MASP1: variants seen among roughly 807,000 people sequenced by gnomAD.
MASP1 encodes the protein MBL associated serine protease 1.
Under a neutral mutation model 77.1 loss-of-function variants are expected in MASP1, and 59 were observed. That is an observed-to-expected ratio of 0.77 (90% CI 0.62 to 0.95). The LOEUF (loss-of-function observed/expected upper bound fraction) is 0.95, where lower values mean the gene tolerates loss of function less well. Among genes scored for constraint, MASP1 ranks in the 40% least tolerant of loss-of-function variants. MASP1 has a pLI of 0.00. For missense variants in MASP1, 885 were observed against 912.9 expected (o/e 0.97, Z 0.39); for synonymous variants, 362 against 354.5 (o/e 1.02, Z -0.24).
At chr3:187,263,982 A>C (rs1026610895) in intron 2 of MASP1, among the ~76,000 whole-genome samples, 1 of 152,206 alleles carries the variant, frequency 6.6e-6, no homozygotes, top group Non-Finnish European at 1.5e-5. Context: ...GCCAAGATGC[A>C]TGAAAAAAAT....
At chr3:187,220,283 A>T (rs377361996) in intron 15 of MASP1, 34 of 1,611,234 alleles carry the variant, frequency 2.1e-5, no homozygotes, top group Non-Finnish European at 2.8e-5. Flanking sequence ...AGAGACATAG[A>T]TGAAGATAAA....
chr3:187,235,734 C>T lies in MASP1; in HGVS notation c.2137G>A (p.Glu713Lys). The change falls in exon 11 of 11, where the codon GAG becomes AAG. Residue 713 changes from glutamate to lysine, a missense_variant. Glu to Lys is a moderately conservative substitution (Grantham distance 56). Coordinates refer to ENST00000296280, the MANE Select transcript of MASP1 (RefSeq NM_139125.4). Reference protein sequence around the residue: ...KVSNYVDWVWEQMGLPQSVVE... With the variant: ...KVSNYVDWVWKQMGLPQSVVE... ...ACACTTTGTGGTAAGCCCATCTGCT[C>T]CCACACCCAGTCCACGTAATTGGAG... is the stretch of plus-strand genomic sequence containing the variant. The T allele has an allele frequency of 1.9e-6, 3 of 1,614,188 alleles. No individual in the cohort carries two copies. The highest frequency in any genetic ancestry group is 2.5e-6 in the Non-Finnish European group (3 of 1,180,034).
intron 2 of MASP1, 91 bp downstream of exon 2, chr3:187,285,734 A>T: frequency 9.8e-7 from 1 of 1,016,888 alleles, no homozygotes; most frequent in Non-Finnish European, 1.6e-6. Context: ...CTCTCTTACT[A>T]TATGCCACCC....
chr3:187,279,096 T>C (rs1397337164), intron 2 of MASP1, among the ~76,000 whole-genome samples: 2 of 152,010 alleles, frequency 1.3e-5, no homozygotes, highest in African/African-American at 4.8e-5. Context: ...TAGACAGAAA[T>C]ATACACTTTG....
At chr3:187,276,110 G>A (rs1005968975) in intron 2 of MASP1, among the ~76,000 whole-genome samples, 4 of 141,064 alleles carry the variant, frequency 2.8e-5, no homozygotes, top group Admixed American at 7.3e-5. Flanking sequence ...TGCCCCCCAG[G>A]GTAGCCCCCC....
At chr3:187,223,020 A>G in intron 14 of MASP1, 1 of 987,904 alleles carries the variant, frequency 1.0e-6, no homozygotes, top group East Asian at 2.4e-5. Context: ...TTTCCCACTC[A>G]CCAACCCCCA....
At chr3:187,260,291 C>T (rs1333867054) in intron 4 of MASP1, among the ~76,000 whole-genome samples, 1 of 152,174 alleles carries the variant, frequency 6.6e-6, no homozygotes, top group African/African-American at 2.4e-5. Flanking sequence ...TTTCTGTTTG[C>T]CTCTTTCCTC....
At chr3:187,261,853 A>T (rs1175169296) in intron 3 of MASP1, among the ~76,000 whole-genome samples, 1 of 152,248 alleles carries the variant, frequency 6.6e-6, no homozygotes, top group Non-Finnish European at 1.5e-5. Flanking sequence ...GAGTAAACAT[A>T]CTTTAGTATA....
chr3:187,260,688 T>C, intron 4 of MASP1, 53 bp downstream of exon 4: 1 of 1,611,216 alleles, frequency 6.2e-7, no homozygotes, highest in South Asian at 1.1e-5. Flanking sequence ...CATCTAATGT[T>C]ATTGAGGATG....
intron 2 of MASP1, chr3:187,276,959 AT>A (rs1213156045): frequency 6.6e-6 from 1 of 152,252 alleles, no homozygotes; most frequent in African/African-American, 2.4e-5. Flanking sequence ...TTGCACAGAA[AT>A]TAGGAGCTTA....
chr3:187,275,110 C>G (rs1046772633), intron 2 of MASP1, among the ~76,000 whole-genome samples: 2 of 152,190 alleles, frequency 1.3e-5, no homozygotes, highest in Non-Finnish European at 2.9e-5. Context: ...ATATGCAAAT[C>G]CCTTCAGCAA....
At chr3:187,261,260 C>G (rs1560020701) in intron 3 of MASP1, among the ~76,000 whole-genome samples, 1 of 152,186 alleles carries the variant, frequency 6.6e-6, no homozygotes, top group Non-Finnish European at 1.5e-5. Context: ...GACATAGAGG[C>G]ATTAACAAAC....
chr3:187,243,582 A>G lies in MASP1; in HGVS notation c.1130T>C (p.Leu377Pro). 1 of 1,614,224 alleles carries G rather than the reference A, an allele frequency of 6.2e-7. No homozygotes were observed. The highest frequency in any genetic ancestry group is 8.5e-7 in the Non-Finnish European group (1 of 1,180,038). Residue 377 changes from leucine to proline, a missense_variant, in exon 9 of 11, where the codon CTG becomes CCG. By Grantham distance (98) the Leu-to-Pro change is moderately conservative. Coordinates refer to ENST00000296280, the MANE Select transcript of MASP1 (RefSeq NM_139125.4). ...CRAPGELEHGLITFSTRNNLT... is the reference protein window; with the variant it reads ...CRAPGELEHGPITFSTRNNLT... ...GTTGTTCCTTGTAGAGAAGGTGATC[A>G]GCCCGTGTTCCAGCTCTCCTGGGGC... is the stretch of plus-strand genomic sequence containing the variant.
chr3:187,253,251 G>A lies in MASP1; in HGVS notation c.809C>T (p.Thr270Ile). 1 of 1,614,190 alleles carries A rather than the reference G, an allele frequency of 6.2e-7. No homozygotes were observed. Among genetic ancestry groups the A allele is most frequent in the East Asian group, 2.2e-5 (1 of 44,864 alleles). ...CAGGATCAGGACACTGTGGCTCTGG[G>A]TGCTGATGGGTTCTGGGGCTTTCTC... ...CGEKAPEPIS[T>I]QSHSVLILFH... Residue 270 changes from threonine (T) to isoleucine (I), a missense_variant, in exon 6 of 11, where the codon ACC (threonine) becomes ATC (isoleucine). Physicochemically the swap from Thr to Ile is moderately conservative, Grantham distance 89. Coordinates refer to ENST00000296280, the MANE Select transcript of MASP1 (RefSeq NM_139125.4).
intron 10 of MASP1, among the ~76,000 whole-genome samples, chr3:187,241,241 A>T (rs115434702): frequency 6.6e-6 from 1 of 152,222 alleles, no homozygotes; most frequent in Non-Finnish European, 1.5e-5. Flanking sequence ...TCTTGTGGCA[A>T]GGGCACAGAG....
chr3:187,232,670 T>C (rs1669720233), downstream of MASP1, among the ~76,000 whole-genome samples: 3 of 152,202 alleles, frequency 2.0e-5, no homozygotes, highest in Admixed American at 2.0e-4. Context: ...CCCGACTCCA[T>C]GTCACAAAGT....
At chr3:187,248,038 C>T (rs983053759) in intron 8 of MASP1, among the ~76,000 whole-genome samples, 5 of 152,170 alleles carry the variant, frequency 3.3e-5, no homozygotes, top group Non-Finnish European at 5.9e-5. Flanking sequence ...TTGCCTCTCC[C>T]CTAGGACCTA....
chr3:187,239,538 A>G (rs559885577), intron 10 of MASP1, among the ~76,000 whole-genome samples: 50 of 152,300 alleles, frequency 3.3e-4, no homozygotes, highest in African/African-American at 1.1e-3. Context: ...AGGTGGCCAC[A>G]TGGCTTTCTA....
chr3:187,277,883 C>T (rs1027508785), intron 2 of MASP1, among the ~76,000 whole-genome samples: 1 of 152,156 alleles, frequency 6.6e-6, no homozygotes, highest in Non-Finnish European at 1.5e-5. Context: ...GCTTTGGAAG[C>T]ACTTTTCCAT....
Sources: gnomAD v4.1 joint callset for allele counts (sites outside exome capture counted in the v4.1 genomes callset) on GRCh38, gnomAD v4.1.1 for gene constraint, MANE v1.5 for transcripts, NCBI Gene and HGNC (gene_info 2026-07-23, HGNC 2026-07-21) for gene names.